NECTIN3: variants seen among roughly 807,000 people sequenced by gnomAD.
NECTIN3 encodes nectin cell adhesion molecule 3, also known as nectin-3.
A neutral mutation model predicts 49.4 loss-of-function variants in NECTIN3; 8 were observed. That is an observed-to-expected ratio of 0.16 (90% CI 0.10 to 0.29). The LOEUF (loss-of-function observed/expected upper bound fraction) is 0.29, where lower values mean the gene tolerates loss of function less well. Ranked by LOEUF, NECTIN3 falls within the 10% of genes least tolerant of loss-of-function variation. NECTIN3 has a pLI of 1.00. For missense variants in NECTIN3, 581 were observed against 654.6 expected (o/e 0.89, Z 1.23); for synonymous variants, 277 against 241.1 (o/e 1.15, Z -1.38).
At chr3:111,114,837 G>C (rs576654724) in intron 2 of NECTIN3, among the ~76,000 whole-genome samples, 2 of 152,116 alleles carry the variant, frequency 1.3e-5, no homozygotes, top group South Asian at 4.2e-4. Flanking sequence ...AGAGAATAGA[G>C]TATTTGTAGG....
At chr3:111,187,931 A>G (rs141620559), upstream of NECTIN3, among the ~76,000 whole-genome samples, 1 of 152,320 alleles carries the variant, frequency 6.6e-6, no homozygotes, top group Non-Finnish European at 1.5e-5. Context: ...AATGTAAACT[A>G]TAAACTTTAG....
intron 7 of NECTIN3, among the ~76,000 whole-genome samples, chr3:111,175,075 G>A (rs888448563): frequency 2.0e-5 from 3 of 151,934 alleles, no homozygotes; most frequent in African/African-American, 7.3e-5. Flanking sequence ...CCTGGAGCCT[G>A]GCCATCCAGC....
intron 1 of NECTIN3, among the ~76,000 whole-genome samples, chr3:111,082,525 G>C (rs753691885): frequency 6.6e-6 from 1 of 152,104 alleles, no homozygotes; most frequent in Non-Finnish European, 1.5e-5. Flanking sequence ...AATCTTAGTT[G>C]ATAAATAAAT....
chr3:111,165,624 G>C (rs1451907950), intron 7 of NECTIN3, among the ~76,000 whole-genome samples: 1 of 152,122 alleles, frequency 6.6e-6, no homozygotes, highest in Non-Finnish European at 1.5e-5. Context: ...AGTCTTTTTA[G>C]TTCTGATTTT....
chr3:111,074,107 C>G, intron 1 of NECTIN3: 1 of 406,526 alleles, frequency 2.5e-6, no homozygotes, highest in Non-Finnish European at 4.9e-6. Flanking sequence ...CCTTTTTTGG[C>G]TTATAGTGTT....
chr3:111,193,257 G>A (rs1215719827), intron 1 of NECTIN3: 1 of 1,535,706 alleles, frequency 6.5e-7, no homozygotes, highest in Non-Finnish European at 8.7e-7. Flanking sequence ...TGGGGAAGAT[G>A]GCATTCAGCA....
At chr3:111,168,830 A>G (rs2035375774) in intron 7 of NECTIN3, among the ~76,000 whole-genome samples, 1 of 152,178 alleles carries the variant, frequency 6.6e-6, no homozygotes, top group Non-Finnish European at 1.5e-5. Context: ...GCTGCCTTTT[A>G]GCATATGTCT....
chr3:111,134,521 A>T lies in NECTIN3; in HGVS notation c.*306A>T. 6 of 1,007,824 alleles carry T rather than the reference A, an allele frequency of 6.0e-6. No individual in the cohort carries two copies. The highest frequency in any genetic ancestry group is 7.1e-6 in the Non-Finnish European group (6 of 839,208). 62.4% of individuals were successfully genotyped at this position (1,007,824 alleles called of 1,614,324 possible). A position where few individuals can be genotyped will look rare whatever the true frequency, so the allele number is the denominator to read the frequency against. On this transcript the variant is annotated 3_prime_UTR_variant, in exon 6 of 6. Coordinates refer to ENST00000485303, the MANE Select transcript of NECTIN3 (RefSeq NM_015480.3). ...ACATTAAATGTATGACTTACTTGGT[A>T]CAAAAATTTTTTAAAAAGGGAACTA...
chr3:111,097,145 G>C (rs2032634463), intron 1 of NECTIN3, among the ~76,000 whole-genome samples: 1 of 152,206 alleles, frequency 6.6e-6, no homozygotes, highest in African/African-American at 2.4e-5. Flanking sequence ...CCCATCTGTT[G>C]TATCAGCGTG....
intron 7 of NECTIN3, among the ~76,000 whole-genome samples, chr3:111,169,556 T>G (rs1389175981): frequency 6.6e-6 from 1 of 152,096 alleles, no homozygotes; most frequent in African/African-American, 2.4e-5. Context: ...AATTAATAGA[T>G]TATAAGCACA....
intron 1 of NECTIN3, among the ~76,000 whole-genome samples, chr3:111,076,108 T>C: frequency 6.6e-6 from 1 of 152,276 alleles, no homozygotes; most frequent in South Asian, 2.1e-4. Flanking sequence ...TTATTATATA[T>C]ATTTACCTTG....
intron 1 of NECTIN3, among the ~76,000 whole-genome samples, chr3:111,073,250 G>A (rs1429292499): frequency 6.6e-6 from 1 of 152,138 alleles, no homozygotes; most frequent in Middle Eastern, 3.2e-3. Flanking sequence ...TCATAAAACC[G>A]TAAACTGAAG....
chr3:111,110,905 A>G (rs979843222), intron 1 of NECTIN3, among the ~76,000 whole-genome samples: 3 of 152,054 alleles, frequency 2.0e-5, no homozygotes, highest in African/African-American at 7.2e-5. Flanking sequence ...AATATTGCAT[A>G]AAGTTTTTTT....
chr3:111,193,175 AT>A lies in NECTIN3; in HGVS notation c.63+763del, dbSNP rs1443287271. On this transcript the variant is annotated intron_variant, in intron 1 of 1. Coordinates refer to the NECTIN3 transcript ENST00000485506. Reference sequence around the variant, plus strand: ...AAAAATGCAAACAGCTGCTCTGCTAATGTAAGCAATGTTTGAATTTTTAGAA... The same window carrying A: ...AAAAATGCAAACAGCTGCTCTGCTAAGTAAGCAATGTTTGAATTTTTAGAA... 1.8e-5 allele frequency: 27 copies of A among 1,523,188 alleles called. No homozygotes were observed. In the Admixed American group the frequency reaches 2.0e-4, roughly 11 times the overall value. The allele number at this position is 1,523,188 out of a possible 1,614,324, so 94.4% of individuals were successfully genotyped here. A position where few individuals can be genotyped will look rare whatever the true frequency, so the allele number is the denominator to read the frequency against.
intron 5 of NECTIN3, among the ~76,000 whole-genome samples, chr3:111,131,388 C>T (rs891417633): frequency 4.0e-5 from 6 of 151,860 alleles, no homozygotes; most frequent in African/African-American, 1.2e-4. Context: ...AAAAATAGTC[C>T]TACCTTATAA....
chr3:111,188,031 G>A (rs568384855), upstream of NECTIN3, among the ~76,000 whole-genome samples: 24 of 152,304 alleles, frequency 1.6e-4, no homozygotes, highest in South Asian at 8.3e-4. Flanking sequence ...TGGCATGGGG[G>A]CAGGGAATAT....
chr3:111,192,801 C>T (rs931899313), intron 1 of NECTIN3, among the ~76,000 whole-genome samples: 8 of 152,114 alleles, frequency 5.3e-5, no homozygotes, highest in Non-Finnish European at 1.0e-4. Context: ...AGAGCTGAGT[C>T]GAGGTTTCTT....
chr3:111,110,682 A>G (rs1346396533), intron 1 of NECTIN3, among the ~76,000 whole-genome samples: 1 of 151,960 alleles, frequency 6.6e-6, no homozygotes, highest in Non-Finnish European at 1.5e-5. Context: ...GTACTCTAGG[A>G]TTATAGAACA....
At chr3:111,188,926 A>G (rs1385801371), upstream of NECTIN3, among the ~76,000 whole-genome samples, 2 of 152,240 alleles carry the variant, frequency 1.3e-5, no homozygotes, top group African/African-American at 2.4e-5. Context: ...TCTTGAGGCC[A>G]TAAACACTGT....
Sources: allele counts gnomAD v4.1 joint callset (sites outside exome capture counted in the v4.1 genomes callset), GRCh38; gene constraint gnomAD v4.1.1; transcripts MANE v1.5; gene names NCBI Gene and HGNC (gene_info 2026-07-23, HGNC 2026-07-21).